Variants in NEBL observed in about 807,000 individuals in gnomAD.
The protein encoded by NEBL is nebulette, also known as LIM and SH3 protein 2.
In NEBL, 122 loss-of-function variants were observed where a neutral mutation model predicts 140.2. That is an observed-to-expected ratio of 0.87 (90% CI 0.75 to 1.01). The LOEUF (loss-of-function observed/expected upper bound fraction) is 1.01, where lower values mean the gene tolerates loss of function less well. Among genes scored for constraint, NEBL ranks in the 50% least tolerant of loss-of-function variants. The pLI, the probability that NEBL is intolerant of heterozygous loss-of-function variation, is 0.00. For synonymous variants in NEBL, 436 were observed against 398.9 expected, an observed-to-expected ratio of 1.09 and a Z score of -1.11; for missense variants, 1,365 against 1,231.3, an observed-to-expected ratio of 1.11 and a Z score of -1.62.
At chr10:20,941,110 A>G (rs1293575768) in intron 4 of NEBL, among the ~76,000 whole-genome samples, 1 of 152,220 alleles carries the variant, frequency 6.6e-6, no homozygotes, top group East Asian at 1.9e-4. Context: ...TCCTGATACC[A>G]AAGCCTGGCA....
chr10:21,146,797 G>A (rs988688380), intron 2 of NEBL, among the ~76,000 whole-genome samples: 3 of 152,108 alleles, frequency 2.0e-5, no homozygotes, highest in Non-Finnish European at 2.9e-5. Context: ...CTGAACTTCT[G>A]GAATAGTTTC....
chr10:21,224,331 T>C (rs537115834), intron 3 of NEBL, among the ~76,000 whole-genome samples: 2 of 152,348 alleles, frequency 1.3e-5, no homozygotes, highest in African/African-American at 4.8e-5. Flanking sequence ...TGTAGATATA[T>C]GAATTATTTT....
intron 4 of NEBL, among the ~76,000 whole-genome samples, chr10:20,941,511 T>G (rs1442406322): frequency 6.6e-6 from 1 of 152,088 alleles, no homozygotes; most frequent in Non-Finnish European, 1.5e-5. Flanking sequence ...GCATTCCCTT[T>G]GAAAACTGGC....
intron 3 of NEBL, among the ~76,000 whole-genome samples, chr10:21,007,562 C>T (rs1401439695): frequency 1.3e-5 from 2 of 152,136 alleles, no homozygotes; most frequent in Admixed American, 6.5e-5. Context: ...CATTATCACC[C>T]TTATCATCTG....
At chr10:21,055,302 C>G (rs1834962364) in intron 2 of NEBL, among the ~76,000 whole-genome samples, 1 of 152,002 alleles carries the variant, frequency 6.6e-6, no homozygotes, top group African/African-American at 2.4e-5. Flanking sequence ...TCTCTGAGAC[C>G]AAGAGACATT....
At chr10:21,077,497 C>T (rs970276578) in intron 2 of NEBL, among the ~76,000 whole-genome samples, 1 of 152,006 alleles carries the variant, frequency 6.6e-6, no homozygotes, top group Non-Finnish European at 1.5e-5. Flanking sequence ...GTCCCAGCTA[C>T]TCGGGAGGCT....
intron 3 of NEBL, among the ~76,000 whole-genome samples, chr10:20,978,220 C>T (rs1251586727): frequency 6.6e-6 from 1 of 152,130 alleles, no homozygotes. Context: ...CCAACACTTC[C>T]CTGGTCTGAG....
intron 4 of NEBL, among the ~76,000 whole-genome samples, chr10:20,915,117 C>A (rs1848491699): frequency 6.6e-6 from 1 of 151,678 alleles, no homozygotes; most frequent in African/African-American, 2.4e-5. Context: ...TATATTTTCT[C>A]AGTAAAAGTT....
chr10:20,798,672 C>T (rs1836810433), intron 26 of NEBL, among the ~76,000 whole-genome samples: 1 of 152,192 alleles, frequency 6.6e-6, no homozygotes, highest in Non-Finnish European at 1.5e-5. Flanking sequence ...ATGCTAGAGC[C>T]ACATTTATGT....
chr10:20,820,812 A>G (rs543387700), intron 19 of NEBL, among the ~76,000 whole-genome samples: 7 of 152,232 alleles, frequency 4.6e-5, no homozygotes, highest in African/African-American at 1.7e-4. Flanking sequence ...GTGACAGAGT[A>G]AGACTCTATC....
At chr10:20,985,194 C>A (rs1837209229) in intron 3 of NEBL, among the ~76,000 whole-genome samples, 1 of 152,166 alleles carries the variant, frequency 6.6e-6, no homozygotes, top group African/African-American at 2.4e-5. Context: ...CATGGAAAAA[C>A]TGTCTTCCAC....
At chr10:21,031,941 TATGAG>T (rs1833817251) in intron 2 of NEBL, among the ~76,000 whole-genome samples, 1 of 152,224 alleles carries the variant, frequency 6.6e-6, no homozygotes, top group Non-Finnish European at 1.5e-5. Flanking sequence ...CAGCCTATTA[TATGAG>T]ATAACAAGAA....
intron 3 of NEBL, among the ~76,000 whole-genome samples, chr10:21,194,650 A>C (rs568024157): frequency 6.6e-6 from 1 of 152,178 alleles, no homozygotes; most frequent in Non-Finnish European, 1.5e-5. Context: ...AGCCAAGAAT[A>C]GAGAAAGGGA....
intron 2 of NEBL, among the ~76,000 whole-genome samples, chr10:21,073,265 G>T (rs1412181746): frequency 6.6e-6 from 1 of 151,782 alleles, no homozygotes; most frequent in Non-Finnish European, 1.5e-5. Flanking sequence ...TGAGGCTACA[G>T]TGAGCCATGA....
intron 3 of NEBL, among the ~76,000 whole-genome samples, chr10:21,237,877 G>A (rs11012606): frequency 0.18 from 27,447 of 152,158 alleles, 2,760 homozygotes; most frequent in African/African-American, 0.25. Flanking sequence ...AAAGTGCTGG[G>A]ATTACGAGCA....
At chr10:21,233,668 ATC>A (rs1479471018) in intron 3 of NEBL, among the ~76,000 whole-genome samples, 1 of 144,926 alleles carries the variant, frequency 6.9e-6, no homozygotes, top group East Asian at 2.0e-4. Flanking sequence ...ATAGATATAT[ATC>A]TATATATGTA....
intron 5 of NEBL, among the ~76,000 whole-genome samples, chr10:20,875,498 A>G (rs1221905217): frequency 6.6e-6 from 1 of 152,224 alleles, no homozygotes; most frequent in South Asian, 2.1e-4. Flanking sequence ...TTCTGCAGGT[A>G]TAGGCAGACA....
chr10:20,937,666 G>C (rs1200416660), intron 4 of NEBL, among the ~76,000 whole-genome samples: 1 of 152,144 alleles, frequency 6.6e-6, no homozygotes, highest in African/African-American at 2.4e-5. Context: ...GATGCACAAG[G>C]GGTCAGGGAA....
intron 2 of NEBL, among the ~76,000 whole-genome samples, chr10:21,150,237 C>T (rs1200076724): frequency 6.6e-6 from 1 of 152,190 alleles, no homozygotes; most frequent in Admixed American, 6.5e-5. Context: ...TTATGTGCGG[C>T]TTGCATCTTT....
Sources: gnomAD v4.1 joint callset for allele counts (sites outside exome capture counted in the v4.1 genomes callset) on GRCh38, gnomAD v4.1.1 for gene constraint, MANE v1.5 for transcripts, NCBI Gene and HGNC (gene_info 2026-07-23, HGNC 2026-07-21) for gene names.